DNMBP: variants seen among roughly 807,000 people sequenced by gnomAD.
DNMBP encodes the protein dynamin binding protein.
DNMBP carries 87 observed loss-of-function variants against 150.0 expected under a neutral mutation model. That is an observed-to-expected ratio of 0.58 (90% CI 0.49 to 0.69). DNMBP has a LOEUF of 0.69. Ranked by LOEUF, DNMBP falls within the 30% of genes least tolerant of loss-of-function variation. The probability of loss-of-function intolerance (pLI) is 0.00; values close to 1 mark genes in which losing one functional copy is unlikely to be tolerated. For missense variants in DNMBP, 1,774 were observed against 1,949.0 expected (o/e 0.91, Z 1.69); for synonymous variants, 711 against 750.4 (o/e 0.95, Z 0.86).
At chr10:99,892,840 C>T (rs2039594024) in intron 11 of DNMBP, among the ~76,000 whole-genome samples, 2 of 152,114 alleles carry the variant, frequency 1.3e-5, no homozygotes, top group South Asian at 4.1e-4. Flanking sequence ...TGACACAAAA[C>T]TAAGAAGCCA....
At chr10:99,895,094 CT>C in intron 10 of DNMBP, 44 bp from the exon 11 acceptor site, 1 of 1,102,356 alleles carries the variant, frequency 9.1e-7, no homozygotes, top group Non-Finnish European at 1.3e-6. Context: ...CTGGACACTC[CT>C]TTAATCTTAC....
At chr10:99,980,351 G>A (rs2040769298) in intron 1 of DNMBP, among the ~76,000 whole-genome samples, 1 of 151,920 alleles carries the variant, frequency 6.6e-6, no homozygotes, top group Non-Finnish European at 1.5e-5. Flanking sequence ...AGAGGCTGAG[G>A]CAGGAGAATC....
chr10:99,885,221 C>T (rs2039438356), intron 14 of DNMBP, among the ~76,000 whole-genome samples: 1 of 151,746 alleles, frequency 6.6e-6, no homozygotes, highest in Non-Finnish European at 1.5e-5. Context: ...CTCCCCCCCA[C>T]AAAAAAAGCC....
intron 4 of DNMBP, among the ~76,000 whole-genome samples, chr10:99,915,070 G>A (rs540918927): frequency 7.5e-6 from 1 of 133,416 alleles, no homozygotes; most frequent in Admixed American, 8.5e-5. Context: ...CTCCAGCCTG[G>A]GCAACAAGTG....
intron 4 of DNMBP, among the ~76,000 whole-genome samples, chr10:99,947,745 T>C (rs1306677976): frequency 6.6e-6 from 1 of 152,248 alleles, no homozygotes; most frequent in Non-Finnish European, 1.5e-5. Flanking sequence ...AATAAAATTC[T>C]ATTTTAAGAG....
intron 4 of DNMBP, among the ~76,000 whole-genome samples, chr10:99,922,245 T>A (rs2040030278): frequency 6.6e-6 from 1 of 152,090 alleles, no homozygotes; most frequent in South Asian, 2.1e-4. Flanking sequence ...CATGCCATGA[T>A]ATTGCAAGTT....
rs983106319 is a variant in DNMBP, at chr10:99,876,784, G to A, written c.*367C>T. ...GGAACATGGGGCCACCCCAAACGCCGTACAGCACAACCATTACCAACACTG... is the reference window on the plus strand; with the variant it reads ...GGAACATGGGGCCACCCCAAACGCCATACAGCACAACCATTACCAACACTG... On this transcript the variant is annotated 3_prime_UTR_variant, in exon 17 of 17. Transcript: ENST00000324109. 1.4e-4 allele frequency: 23 copies of A among 167,196 alleles called. No individual in the cohort carries two copies. The highest frequency in any genetic ancestry group is 2.4e-4 in the African/African-American group (10 of 42,022). 10.4% of individuals were successfully genotyped at this position (167,196 alleles called of 1,614,324 possible).
intron 6 of DNMBP, 62 bp from the exon 7 acceptor site, chr10:99,900,128 T>G: frequency 6.3e-7 from 1 of 1,584,902 alleles, no homozygotes; most frequent in East Asian, 2.2e-5. Context: ...ATACTAAATG[T>G]AAGGTACACA....
intron 6 of DNMBP, among the ~76,000 whole-genome samples, chr10:99,903,472 A>T (rs1296159977): frequency 6.6e-6 from 1 of 151,996 alleles, no homozygotes; most frequent in African/African-American, 2.4e-5. Context: ...AGCTGGAACT[A>T]CAAGTGTGCC....
intron 4 of DNMBP, among the ~76,000 whole-genome samples, chr10:99,934,255 T>G (rs2133292396): frequency 6.6e-6 from 1 of 152,188 alleles, no homozygotes; most frequent in South Asian, 2.1e-4. Flanking sequence ...AGACAATAAT[T>G]TCTTTTCTAG....
Position 99,876,940 on chromosome 10 carries a change from G to C in DNMBP, c.*211C>G. ...TCACTAAGTCATTTGCAAAGCCCCA[G>C]GGTCCATTTCAAATTCTAGAGATTC... is the stretch of plus-strand genomic sequence containing the variant. On this transcript the variant is annotated 3_prime_UTR_variant, in exon 17 of 17. Coordinates refer to ENST00000324109, the MANE Select transcript of DNMBP (RefSeq NM_015221.4). 2 of 476,548 alleles carry C rather than the reference G, an allele frequency of 4.2e-6. No homozygotes were observed. The highest frequency in any genetic ancestry group is 3.7e-6 in the Non-Finnish European group (1 of 273,472). The allele number at this position is 476,548 out of a possible 1,614,324, so 29.5% of individuals were successfully genotyped here.
chr10:99,969,781 C>T (rs959959117), intron 2 of DNMBP, among the ~76,000 whole-genome samples: 1 of 152,128 alleles, frequency 6.6e-6, no homozygotes, highest in Admixed American at 6.5e-5. Flanking sequence ...TACCTTCTGT[C>T]TCTGGGTATA....
intron 4 of DNMBP, 41 bp downstream of exon 4, chr10:99,955,173 A>G: frequency 6.4e-7 from 1 of 1,553,956 alleles, no homozygotes; most frequent in Non-Finnish European, 8.8e-7. Flanking sequence ...GGGACTTGTG[A>G]GTGTCAAGAA....
At chr10:99,973,809 C>T (rs1046273811) in intron 1 of DNMBP, among the ~76,000 whole-genome samples, 16 of 152,122 alleles carry the variant, frequency 1.1e-4, no homozygotes, top group African/African-American at 3.6e-4. Context: ...GGTGAAACCC[C>T]GTCTCTACTA....
chr10:99,941,538 G>T (rs891567486), intron 4 of DNMBP, among the ~76,000 whole-genome samples: 2 of 151,000 alleles, frequency 1.3e-5, no homozygotes, highest in Non-Finnish European at 2.9e-5. Context: ...GCACGATCTC[G>T]GCTCACCGCA....
At chr10:99,973,732 C>T (rs1167814239) in intron 1 of DNMBP, among the ~76,000 whole-genome samples, 3 of 152,224 alleles carry the variant, frequency 2.0e-5, no homozygotes, top group African/African-American at 7.2e-5. Context: ...GTAATCCCAG[C>T]ACTTTGCGAG....
chr10:100,003,787 G>C (rs975410370), intron 1 of DNMBP, among the ~76,000 whole-genome samples: 3 of 151,880 alleles, frequency 2.0e-5, no homozygotes, highest in Admixed American at 2.0e-4. Context: ...ACTCCAGCCT[G>C]GGCAACAGAG....
chr10:99,929,772 A>T (rs1359398286), intron 4 of DNMBP: 3 of 702,896 alleles, frequency 4.3e-6, no homozygotes, highest in Non-Finnish European at 7.8e-6. Context: ...AGGAATCCCC[A>T]AATGATGTCC....
chr10:99,930,960 G>C (rs888092076), intron 4 of DNMBP: 1 of 482,700 alleles, frequency 2.1e-6, no homozygotes, highest in Admixed American at 3.9e-5. Context: ...TCCAATCAGC[G>C]AGCTACTCTA....
Sources: allele counts gnomAD v4.1 joint callset (sites outside exome capture counted in the v4.1 genomes callset), GRCh38; gene constraint gnomAD v4.1.1; transcripts MANE v1.5; gene names NCBI Gene and HGNC (gene_info 2026-07-23, HGNC 2026-07-21).